OSBP2: variants seen among roughly 807,000 people sequenced by gnomAD.
OSBP2 encodes oxysterol binding protein 2, also known as oxysterol-binding protein 2.
OSBP2 carries 66 observed loss-of-function variants against 96.0 expected under a neutral mutation model. The observed-to-expected ratio is 0.69, with a 90% CI of 0.56 to 0.84. The LOEUF (loss-of-function observed/expected upper bound fraction) is 0.84. Among genes scored for constraint, OSBP2 ranks in the 40% least tolerant of loss-of-function variants. The pLI is 0.00. For missense variants in OSBP2, 1,038 were observed against 1,222.7 expected, an observed-to-expected ratio of 0.85 and a Z score of 2.25; for synonymous variants, 525 against 520.9, an observed-to-expected ratio of 1.01 and a Z score of -0.11.
At chr22:30,887,646 C>A in intron 4 of OSBP2, 28 bp downstream of exon 4, 2 of 1,537,828 alleles carry the variant, frequency 1.3e-6, no homozygotes, top group South Asian at 1.2e-5. Flanking sequence ...GCAGGGCTGT[C>A]CCATGACCTT....
At chr22:30,731,128 C>T (rs995461468) in intron 1 of OSBP2, among the ~76,000 whole-genome samples, 3 of 151,774 alleles carry the variant, frequency 2.0e-5, no homozygotes, top group Non-Finnish European at 2.9e-5. Flanking sequence ...GAGCCGAGAT[C>T]GCGCCACTGC....
At chr22:30,700,955 C>T (rs1421936878) in intron 1 of OSBP2, among the ~76,000 whole-genome samples, 5 of 151,824 alleles carry the variant, frequency 3.3e-5, no homozygotes, top group Admixed American at 6.6e-5. Context: ...ATTAGCTAGG[C>T]GTGGTGACGC....
chr22:30,760,282 G>A lies in OSBP2; in HGVS notation c.853+18913G>A, dbSNP rs139851328. On this transcript the variant is annotated intron_variant, in intron 2 of 13. Coordinates refer to ENST00000332585, the MANE Select transcript of OSBP2 (RefSeq NM_030758.4). ...CAAAGTGCTAGGATTACAGGAGTGA[G>A]TAATTTCTAACTCATTTATAAGGAC... 6.0e-3 allele frequency among the ~76,000 whole-genome samples: 918 copies of A among 152,018 alleles called. 8 individuals carry two copies. Among genetic ancestry groups the A allele is most frequent in the African/African-American group, 0.021 (867 of 41,444 alleles).
intron 2 of OSBP2, among the ~76,000 whole-genome samples, chr22:30,844,112 C>A (rs1412483820): frequency 6.6e-6 from 1 of 152,122 alleles, no homozygotes; most frequent in African/African-American, 2.4e-5. Context: ...TGTGCTCAAG[C>A]AATCTGCTCG....
rs565746905 is a variant in OSBP2 at position 30,771,078 on chromosome 22, C to T, written c.853+29709C>T. The stretch of plus-strand genomic sequence containing the variant: ...TATATATAGCGAGGAAGCCTTAAAT[C>T]CTGTCCCCGTTGCTGGCTCTTCCTG... On this transcript the variant is annotated intron_variant, in intron 2 of 13. Coordinates refer to ENST00000332585, the MANE Select transcript of OSBP2 (RefSeq NM_030758.4). 5.3e-5 allele frequency among the ~76,000 whole-genome samples: 8 copies of T among 152,354 alleles called. No homozygotes were observed. In the South Asian group the frequency reaches 1.7e-3, roughly 32 times the overall value.
At chr22:30,796,727 C>T (rs1327323107) in intron 2 of OSBP2, among the ~76,000 whole-genome samples, 2 of 152,074 alleles carry the variant, frequency 1.3e-5, no homozygotes, top group East Asian at 1.9e-4. Context: ...AGGTTGGTCT[C>T]GAACTCCTGA....
chr22:30,793,955 G>T (rs1215792219), intron 2 of OSBP2, among the ~76,000 whole-genome samples: 1 of 152,180 alleles, frequency 6.6e-6, no homozygotes, highest in Non-Finnish European at 1.5e-5. Context: ...ACAAAATGTG[G>T]TACATCCATA....
chr22:30,815,604 T>C, intron 2 of OSBP2, among the ~76,000 whole-genome samples: 1 of 152,236 alleles, frequency 6.6e-6, no homozygotes, highest in Admixed American at 6.5e-5. Flanking sequence ...AATGTTTGCA[T>C]GTTAGCTTCC....
intron 12 of OSBP2, among the ~76,000 whole-genome samples, chr22:30,895,365 T>G (rs1201950162): frequency 6.6e-6 from 1 of 152,080 alleles, no homozygotes; most frequent in East Asian, 1.9e-4. Context: ...TATAGCGTGC[T>G]GAAGACAAGA....
At chr22:30,901,172 G>A (rs957614955) in intron 12 of OSBP2, among the ~76,000 whole-genome samples, 15 of 152,132 alleles carry the variant, frequency 9.9e-5, no homozygotes, top group East Asian at 3.9e-4. Flanking sequence ...GGGTTCAAGC[G>A]ATTCTCCTGC....
intron 2 of OSBP2, among the ~76,000 whole-genome samples, chr22:30,830,701 C>G (rs753031872): frequency 1.3e-5 from 2 of 152,212 alleles, no homozygotes; most frequent in Non-Finnish European, 2.9e-5. Context: ...TTCAGCAGGA[C>G]CAATCTTCTG....
chr22:30,796,095 G>A (rs1340771454), intron 2 of OSBP2, among the ~76,000 whole-genome samples: 3 of 152,178 alleles, frequency 2.0e-5, no homozygotes, highest in Non-Finnish European at 4.4e-5. Flanking sequence ...CTCTTCTGTA[G>A]TATTTTCTCT....
chr22:30,832,187 C>T (rs879626916), intron 2 of OSBP2, among the ~76,000 whole-genome samples: 5 of 152,166 alleles, frequency 3.3e-5, no homozygotes, highest in Non-Finnish European at 7.3e-5. Context: ...CTTACCAGCT[C>T]AGTTTTCAAG....
intron 2 of OSBP2, among the ~76,000 whole-genome samples, chr22:30,806,572 C>G (rs2090930801): frequency 6.6e-6 from 1 of 152,196 alleles, no homozygotes. Context: ...GAATGAAGAG[C>G]TTGAGGCCCA....
chr22:30,709,214 G>A (rs1184984998), intron 1 of OSBP2, among the ~76,000 whole-genome samples: 1 of 152,116 alleles, frequency 6.6e-6, no homozygotes, highest in Non-Finnish European at 1.5e-5. Context: ...TCCAATCAGT[G>A]TTCACAATTT....
chr22:30,697,080 C>T lies in OSBP2; in HGVS notation c.644+1527C>T, dbSNP rs899692997. ...TGAACACCAACATCTGGACCTGTCCCAAATGTGTCCTGATACCCACTCACC... is the reference window on the plus strand; with the variant it reads ...TGAACACCAACATCTGGACCTGTCCTAAATGTGTCCTGATACCCACTCACC... On this transcript the variant is annotated intron_variant, in intron 1 of 13. Transcript: ENST00000332585. Among the ~76,000 whole-genome samples, 25 of 152,120 alleles carry T rather than the reference C, an allele frequency of 1.6e-4. 4 individuals carry two copies. The highest frequency in any genetic ancestry group is 1.5e-3 in the Admixed American group (23 of 15,258).
Position 30,889,224 on chromosome 22 carries a change from C to T in OSBP2, c.1466C>T (p.Ser489Leu). Residue 489 changes from serine to leucine, a missense_variant, in exon 6 of 14, where the codon TCA (serine) becomes TTA (leucine). Physicochemically the swap from Ser to Leu is moderately radical, Grantham distance 145. This residue lies in a region of OSBP2 where 737 missense variants were observed against 913.3 expected (regional missense o/e 0.81). Coordinates refer to ENST00000332585, the MANE Select transcript of OSBP2 (RefSeq NM_030758.4). ...GGGACAAGTTCCGTGGACTGGAGCT[C>T]AGCAGACAATGTAAGTGAGGGGGAG... is the stretch of plus-strand genomic sequence containing the variant. Reference protein sequence around the residue: ...STGTSSVDWSSADNVLDGASL... With the variant: ...STGTSSVDWSLADNVLDGASL... 1.9e-6 allele frequency: 3 copies of T among 1,612,982 alleles called. No individual in the cohort carries two copies. Among genetic ancestry groups the T allele is most frequent in the Non-Finnish European group, 2.5e-6 (3 of 1,179,760 alleles).
At chr22:30,798,091 CT>C (rs760196176) in intron 2 of OSBP2, among the ~76,000 whole-genome samples, 4 of 152,178 alleles carry the variant, frequency 2.6e-5, no homozygotes, top group Non-Finnish European at 5.9e-5. Flanking sequence ...CTTGCCAACA[CT>C]TGTTATTTTC....
At chr22:30,790,636 G>A (rs188863747) in intron 2 of OSBP2, among the ~76,000 whole-genome samples, 138 of 141,118 alleles carry the variant, frequency 9.8e-4, no homozygotes, top group Non-Finnish European at 1.7e-3. Context: ...AACCTGAAGA[G>A]ATATGTCAAA....
Sources: gnomAD v4.1 joint callset for allele counts (sites outside exome capture counted in the v4.1 genomes callset) on GRCh38, gnomAD v4.1.1 for gene constraint, gnomAD v4.1.1 regional missense constraint, MANE v1.5 for transcripts, NCBI Gene and HGNC (gene_info 2026-07-23, HGNC 2026-07-21) for gene names.